Variants in MESD observed in about 807,000 individuals in gnomAD.
The protein encoded by MESD is LRP chaperone MESD.
A neutral mutation model predicts 12.9 loss-of-function variants in MESD; 7 were observed. That is an observed-to-expected ratio of 0.54 (90% CI 0.31 to 1.02). The LOEUF (loss-of-function observed/expected upper bound fraction) is 1.02, where lower values mean the gene tolerates loss of function less well. Among genes scored for constraint, MESD ranks in the 50% least tolerant of loss-of-function variants. The pLI is 0.05. For synonymous variants in MESD, 126 were observed against 115.6 expected (o/e 1.09, Z -0.58); for missense variants, 342 against 296.7 (o/e 1.15, Z -1.12).
At chr15:80,962,053 A>T (rs998057017) in intron 3 of MESD, among the ~76,000 whole-genome samples, 23 of 152,370 alleles carry the variant, frequency 1.5e-4, no homozygotes, top group Non-Finnish European at 7.3e-5. Flanking sequence ...GGCAAATTGG[A>T]CAAAGAGTCA....
chr15:80,952,617 C>CGTGTGTGT (rs113669846), intron 3 of MESD, among the ~76,000 whole-genome samples: 211 of 149,300 alleles, frequency 1.4e-3, no homozygotes, highest in African/African-American at 4.8e-3. Flanking sequence ...AACTATGTCT[C>CGTGTGTGT]GTGTGTGTGT....
At chr15:80,959,977 T>G (rs1902056949) in intron 3 of MESD, among the ~76,000 whole-genome samples, 1 of 152,206 alleles carries the variant, frequency 6.6e-6, no homozygotes, top group Non-Finnish European at 1.5e-5. Context: ...GCAACCAGCT[T>G]GTAAAATTCC....
chr15:80,966,087 A>AT (rs1159229808), intron 3 of MESD, among the ~76,000 whole-genome samples: 1 of 152,208 alleles, frequency 6.6e-6, no homozygotes, highest in Non-Finnish European at 1.5e-5. Flanking sequence ...GACCCACTCT[A>AT]TTTTTTGTGT....
intron 2 of MESD, among the ~76,000 whole-genome samples, chr15:80,981,433 T>C (rs1485296115): frequency 2.9e-5 from 3 of 103,408 alleles, no homozygotes; most frequent in Non-Finnish European, 5.5e-5. Context: ...TGAGACTCCG[T>C]CTCAAAAAAA....
At chr15:80,947,068 A>T, downstream of MESD, 1 of 1,604,606 alleles carries the variant, frequency 6.2e-7, no homozygotes, top group Non-Finnish European at 8.5e-7. Flanking sequence ...GTTGAAAGGT[A>T]AGGGTTTGAA....
At chr15:80,967,397 G>A (rs960793788) in intron 3 of MESD, among the ~76,000 whole-genome samples, 1 of 152,334 alleles carries the variant, frequency 6.6e-6, no homozygotes, top group Admixed American at 6.5e-5. Flanking sequence ...TCTATCCTAA[G>A]GGAGTCAGGG....
At chr15:80,949,225 T>C (rs569284115) in intron 4 of MESD, 1 of 438,064 alleles carries the variant, frequency 2.3e-6, no homozygotes, top group Admixed American at 3.5e-5. Flanking sequence ...TTGGGGACCA[T>C]ATCAGGAGAC....
chr15:80,948,378 G>A, exon 5 of MESD: 1 of 318,170 alleles, frequency 3.1e-6, no homozygotes, highest in Non-Finnish European at 6.2e-6. Context: ...TGATAGAGTG[G>A]GGAAGGAGAT....
intron 2 of MESD, among the ~76,000 whole-genome samples, chr15:80,979,681 C>G (rs1367145106): frequency 6.6e-6 from 1 of 152,168 alleles, no homozygotes; most frequent in Non-Finnish European, 1.5e-5. Flanking sequence ...CAGCTCAGAT[C>G]AAAATAGAAA....
At chr15:80,962,341 C>A (rs1486406059) in intron 3 of MESD, among the ~76,000 whole-genome samples, 1 of 152,150 alleles carries the variant, frequency 6.6e-6, no homozygotes, top group Non-Finnish European at 1.5e-5. Context: ...ATTTATAAAG[C>A]AAGTTCTCAG....
intron 4 of MESD, chr15:80,950,076 A>C (rs2141772171): frequency 6.6e-6 from 1 of 152,476 alleles, no homozygotes; most frequent in East Asian, 1.9e-4. Context: ...AGTCCACAGA[A>C]GTGAGCTCCT....
chr15:80,981,924 C>T (rs1161539729), intron 2 of MESD, 26 bp downstream of exon 2: 1 of 1,460,038 alleles, frequency 6.8e-7, no homozygotes, highest in East Asian at 2.3e-5. Flanking sequence ...GCCTATGAGT[C>T]TCTCAGCTGG....
chr15:80,983,774 G>C (rs1423606531), intron 1 of MESD, among the ~76,000 whole-genome samples: 4 of 151,586 alleles, frequency 2.6e-5, no homozygotes, highest in Admixed American at 2.6e-4. Context: ...ATGGGCCAAA[G>C]TTGAAATAAT....
Position 80,976,206 on chromosome 15 carries a change from G to T in MESD, c.*3013C>A, listed in dbSNP as rs1303362035. The T allele has an allele frequency of 1.3e-5, 2 of 152,452 alleles. No individual in the cohort carries two copies. The highest frequency in any genetic ancestry group is 2.9e-5 in the Non-Finnish European group (2 of 68,258). The allele number at this position is 152,452 out of a possible 1,614,324, so 9.4% of individuals were successfully genotyped here. A position where few individuals can be genotyped will look rare whatever the true frequency, so the allele number is the denominator to read the frequency against. On this transcript the variant is annotated 3_prime_UTR_variant, in exon 3 of 3. Transcript: ENST00000261758. Reference sequence around the variant, plus strand: ...GGGCTTCACCATGTTGGCCAGGCTGGTCTCAAACTCCTGACCTCAACTGAT... The same window carrying T: ...GGGCTTCACCATGTTGGCCAGGCTGTTCTCAAACTCCTGACCTCAACTGAT...
intron 3 of MESD, among the ~76,000 whole-genome samples, chr15:80,965,809 A>G (rs1902165102): frequency 6.6e-6 from 1 of 152,168 alleles, no homozygotes; most frequent in Non-Finnish European, 1.5e-5. Flanking sequence ...ATTGTGGGGT[A>G]GGGGACTGGG....
intron 3 of MESD, among the ~76,000 whole-genome samples, chr15:80,953,611 TAA>T (rs1477102548): frequency 6.6e-6 from 1 of 152,098 alleles, no homozygotes; most frequent in Non-Finnish European, 1.5e-5. Flanking sequence ...GTGGCAGAGT[TAA>T]GTTTTGCAGA....
rs569746394 is a variant in MESD at position 80,977,713 on chromosome 15, G to A, written c.*1506C>T. The A allele has an allele frequency of 2.0e-5, 3 of 152,336 alleles. No individual in the cohort carries two copies. In the South Asian group the frequency reaches 6.2e-4, roughly 32 times the overall value. 9.4% of individuals were successfully genotyped at this position (152,336 alleles called of 1,614,324 possible). Reference sequence around the variant, plus strand: ...ATTCAGGGACTCGTTTATGCCACCAGGGTGTGGCGCTCTCTCCCCACTGTC... The same window carrying A: ...ATTCAGGGACTCGTTTATGCCACCAAGGTGTGGCGCTCTCTCCCCACTGTC... On this transcript the variant is annotated 3_prime_UTR_variant, in exon 3 of 3. Coordinates refer to ENST00000261758, the MANE Select transcript of MESD (RefSeq NM_015154.3).
downstream of MESD, among the ~76,000 whole-genome samples, chr15:80,973,296 G>T (rs756016070): frequency 1.3e-5 from 2 of 152,096 alleles, no homozygotes; most frequent in African/African-American, 2.4e-5. Flanking sequence ...TGAATCACTT[G>T]AGCCCAGGAG....
intron 2 of MESD, among the ~76,000 whole-genome samples, chr15:80,980,791 C>T (rs1446613435): frequency 6.6e-6 from 1 of 151,498 alleles, no homozygotes; most frequent in Non-Finnish European, 1.5e-5. Context: ...AAAACAAAAA[C>T]TTAACTGCTT....
Sources: allele counts gnomAD v4.1 joint callset (sites outside exome capture counted in the v4.1 genomes callset), GRCh38; gene constraint gnomAD v4.1.1; transcripts MANE v1.5; gene names NCBI Gene and HGNC (gene_info 2026-07-23, HGNC 2026-07-21).